The following CDC42BPA variants were observed in gnomAD, a reference collection of about 807,000 sequenced individuals.
CDC42BPA encodes serine/threonine-protein kinase MRCK alpha.
Under a neutral mutation model 223.5 loss-of-function variants are expected in CDC42BPA, and 80 were observed. The observed-to-expected ratio is 0.36, with a 90% CI of 0.30 to 0.43. The LOEUF is 0.43. Among genes scored for constraint, CDC42BPA ranks in the 20% least tolerant of loss-of-function variants. The pLI, the probability that CDC42BPA is intolerant of heterozygous loss-of-function variation, is 1.00. For synonymous variants in CDC42BPA, 694 were observed against 718.6 expected, an observed-to-expected ratio of 0.97 and a Z score of 0.55; for missense variants, 1,743 against 2,099.9, an observed-to-expected ratio of 0.83 and a Z score of 3.32.
chr1:227,005,245 GA>G, intron 34 of CDC42BPA, 134 bp from the exon 35 acceptor site: 1 of 661,204 alleles, frequency 1.5e-6, no homozygotes, highest in East Asian at 2.7e-5. Flanking sequence ...AGGAATGGCA[GA>G]TTATATAGTC....
At chr1:227,058,770 G>T (rs1675131512) in intron 21 of CDC42BPA, among the ~76,000 whole-genome samples, 1 of 151,524 alleles carries the variant, frequency 6.6e-6, no homozygotes, top group Admixed American at 6.6e-5. Flanking sequence ...TAATGTTACT[G>T]ATATTTTTTA....
chr1:227,037,511 A>T (rs1323432933), intron 24 of CDC42BPA, among the ~76,000 whole-genome samples: 1 of 152,188 alleles, frequency 6.6e-6, no homozygotes, highest in Non-Finnish European at 1.5e-5. Context: ...TGTGAGAACT[A>T]ACCAAACAGA....
chr1:227,262,897 A>C (rs1477595323), intron 1 of CDC42BPA, among the ~76,000 whole-genome samples: 1 of 152,204 alleles, frequency 6.6e-6, no homozygotes, highest in East Asian at 1.9e-4. Flanking sequence ...CAAAGAGTTA[A>C]TGAAGGTAAC....
At chr1:227,203,755 C>T (rs1216337346) in intron 3 of CDC42BPA, among the ~76,000 whole-genome samples, 1 of 152,084 alleles carries the variant, frequency 6.6e-6, no homozygotes, top group Non-Finnish European at 1.5e-5. Flanking sequence ...TACAGTTTTC[C>T]TTTTTAAAAA....
chr1:227,194,128 C>A (rs928214993), intron 4 of CDC42BPA, among the ~76,000 whole-genome samples, 194 bp from the exon 5 acceptor site: 1 of 152,060 alleles, frequency 6.6e-6, no homozygotes, highest in African/African-American at 2.4e-5. Flanking sequence ...AGCAGTAAAA[C>A]AAAATTTTTA....
chr1:227,028,940 A>G lies in CDC42BPA; in HGVS notation c.4149T>C (p.Asn1383=), dbSNP rs1278075535. 1.9e-6 allele frequency: 3 copies of G among 1,614,176 alleles called. No individual in the cohort carries two copies. Among genetic ancestry groups the G allele is most frequent in the Non-Finnish European group, 2.5e-6 (3 of 1,180,008 alleles). Residue 1383 remains asparagine, a synonymous_variant, in exon 30 of 37, where the codon AAT becomes AAC. Transcript: ENST00000366766. ...RKFKEIQVPY[N]VQWMAIFSEQ... is the part of the protein sequence containing the mutation. Reference sequence around the variant, plus strand: ...CACTGAAGATTGCCATCCACTGGACATTATATGGGACTTGAATTTCTTTAA... The same window carrying G: ...CACTGAAGATTGCCATCCACTGGACGTTATATGGGACTTGAATTTCTTTAA...
At chr1:227,282,911 T>C (rs1465665394) in intron 1 of CDC42BPA, among the ~76,000 whole-genome samples, 3 of 152,220 alleles carry the variant, frequency 2.0e-5, no homozygotes, top group Non-Finnish European at 4.4e-5. Flanking sequence ...CTGAGATGGA[T>C]GATCAGGATG....
chr1:227,200,256 A>C (rs4582756), intron 3 of CDC42BPA, among the ~76,000 whole-genome samples: 128,034 of 152,016 alleles, frequency 0.84, 54,203 homozygotes, highest in Middle Eastern at 0.91. Context: ...CATGGTGAAA[A>C]CCTGTCTCTA....
intron 1 of CDC42BPA, among the ~76,000 whole-genome samples, chr1:227,305,120 G>C (rs151174447): frequency 1.2e-3 from 181 of 152,288 alleles, no homozygotes; most frequent in African/African-American, 3.8e-3. Flanking sequence ...TTAGGTAGAA[G>C]AATGCAGAAA....
Position 227,029,113 on chromosome 1 carries a change from C to T in CDC42BPA, c.3976G>A (p.Asp1326Asn), listed in dbSNP as rs368664811. 9.2e-5 allele frequency: 148 copies of T among 1,612,420 alleles called. No homozygotes were observed. Among genetic ancestry groups the T allele is most frequent in the Middle Eastern group, 4.9e-4 (3 of 6,084 alleles). Residue 1326 changes from aspartate (D) to asparagine (N), a missense_variant, in exon 30 of 37, where the codon GAT becomes AAT. Physicochemically the swap from Asp to Asn is conservative, Grantham distance 23. Around this residue, in one of 6 missense-constraint regions of CDC42BPA, gnomAD observed 678 missense variants for 777.5 expected, o/e 0.87. Coordinates refer to ENST00000366766, the MANE Select transcript of CDC42BPA (RefSeq NM_001394014.1). ...TTAGTTTCTGACAGCTTGTAAAAAT[C>T]GGTCTCTCGCCCATCCAATGCTGAC... ...PMSALDGRETDFYKLSETKGC... is the reference protein window; with the variant it reads ...PMSALDGRETNFYKLSETKGC...
chr1:227,152,671 T>C (rs1662005859), intron 6 of CDC42BPA, among the ~76,000 whole-genome samples: 1 of 151,990 alleles, frequency 6.6e-6, no homozygotes, highest in African/African-American at 2.4e-5. Flanking sequence ...AATAATAAAC[T>C]GCACGTAAGA....
chr1:227,223,808 T>A lies in CDC42BPA; in HGVS notation c.271-10589A>T, dbSNP rs142802897. On this transcript the variant is annotated intron_variant, in intron 2 of 36. Coordinates refer to ENST00000366766, the MANE Select transcript of CDC42BPA (RefSeq NM_001394014.1). ...AACATGAATTCAATAGAAAGCCATA[T>A]GAGACTCTTTCAGGATGCTGGTCAG... Among the ~76,000 whole-genome samples the A allele has an allele frequency of 7.9e-4, 120 of 152,328 alleles. No individual in the cohort carries two copies. The East Asian group carries it at 0.022, about 27-fold the overall frequency.
chr1:227,032,712 C>G (rs925470227), intron 27 of CDC42BPA, among the ~76,000 whole-genome samples: 21 of 152,176 alleles, frequency 1.4e-4, no homozygotes, highest in African/African-American at 4.3e-4. Context: ...ACTGGGAGCT[C>G]AGCCAGCCTA....
intron 5 of CDC42BPA, among the ~76,000 whole-genome samples, chr1:227,192,685 CTTAAT>C (rs1199611815): frequency 6.6e-6 from 1 of 152,088 alleles, no homozygotes; most frequent in Non-Finnish European, 1.5e-5. Flanking sequence ...CCAATATATC[CTTAAT>C]TTATTTCTTA....
chr1:227,187,059 G>A (rs12035998), intron 5 of CDC42BPA, among the ~76,000 whole-genome samples: 25,874 of 152,064 alleles, frequency 0.17, 2,246 homozygotes, highest in Middle Eastern at 0.2. Flanking sequence ...GCTCTCTGGT[G>A]GCCATCCTCA....
intron 34 of CDC42BPA, chr1:227,010,736 G>A (rs201755195): frequency 1.1e-4 from 11 of 97,882 alleles, no homozygotes; most frequent in Non-Finnish European, 2.7e-4. Context: ...AAGAGGAAGA[G>A]GAGAAGTTTG....
chr1:227,169,954 C>T (rs1180464707), intron 5 of CDC42BPA, among the ~76,000 whole-genome samples: 1 of 152,078 alleles, frequency 6.6e-6, no homozygotes, highest in Non-Finnish European at 1.5e-5. Context: ...AATTAAGGCA[C>T]CCTGAACTTT....
chr1:227,303,840 G>C (rs1486636153), intron 1 of CDC42BPA, among the ~76,000 whole-genome samples: 2 of 152,040 alleles, frequency 1.3e-5, no homozygotes, highest in East Asian at 3.9e-4. Flanking sequence ...TTTTATTATA[G>C]TGTTAGTGAA....
chr1:227,125,625 G>C (rs572533990), intron 11 of CDC42BPA, among the ~76,000 whole-genome samples: 1 of 143,826 alleles, frequency 7.0e-6, no homozygotes, highest in Non-Finnish European at 1.5e-5. Context: ...AAAAAAAAGA[G>C]TGATGTCAGA....
Sources: allele counts gnomAD v4.1 joint callset (sites outside exome capture counted in the v4.1 genomes callset), GRCh38; gene constraint gnomAD v4.1.1; regional missense constraint gnomAD v4.1.1; transcripts MANE v1.5; gene names NCBI Gene and HGNC (gene_info 2026-07-23, HGNC 2026-07-21).